RAB1B: variants seen among roughly 807,000 people sequenced by gnomAD.
RAB1B encodes the protein ras-related protein Rab-1B.
RAB1B carries 10 observed loss-of-function variants against 24.8 expected under a neutral mutation model. The observed-to-expected ratio is 0.40, with a 90% confidence interval of 0.25 to 0.68. The LOEUF is 0.68. RAB1B is among the 30% of genes least tolerant of loss of function. The pLI is 0.37. For synonymous variants in RAB1B, 99 were observed against 111.7 expected (o/e 0.89, Z 0.72); for missense variants, 154 against 271.2 (o/e 0.57, Z 3.04).
At chr11:66,268,763 G>A (rs1174437266) in intron 1 of RAB1B, 70 bp downstream of exon 1, 11 of 1,481,184 alleles carry the variant, frequency 7.4e-6, no homozygotes, top group Non-Finnish European at 9.0e-6. Flanking sequence ...GCTTACCGGG[G>A]TTGTCTGGCC....
intron 1 of RAB1B, among the ~76,000 whole-genome samples, chr11:66,269,537 A>G (rs1290674218): frequency 1.3e-5 from 2 of 152,158 alleles, no homozygotes; most frequent in African/African-American, 4.8e-5. Context: ...CTTTTCTGCC[A>G]CTTCCTTTTT....
intron 4 of RAB1B, among the ~76,000 whole-genome samples, chr11:66,275,131 C>CT (rs1253946550): frequency 6.6e-6 from 1 of 152,204 alleles, no homozygotes; most frequent in Non-Finnish European, 1.5e-5. Flanking sequence ...GGCAAGAGGT[C>CT]TAAGTTTGAG....
chr11:66,275,150 A>G (rs1197001333), intron 4 of RAB1B, among the ~76,000 whole-genome samples: 1 of 152,186 alleles, frequency 6.6e-6, no homozygotes, highest in East Asian at 1.9e-4. Context: ...AGCCAGTGTG[A>G]TATGACCAGG....
chr11:66,268,793 G>T, intron 1 of RAB1B, 100 bp downstream of exon 1: 2 of 1,150,878 alleles, frequency 1.7e-6, no homozygotes, highest in East Asian at 3.4e-5. Context: ...ACTGTGCGGC[G>T]CCCCCACATC....
At position 66,268,838 on chromosome 11, in the gene RAB1B, G is replaced by T. The variant is rs1856994459; in HGVS notation, c.14+145G>T. On this transcript the variant is annotated intron_variant, in intron 1 of 5. Transcript: ENST00000311481. ...CTTCCGCTGACCCCCCCCCACATCC[G>T]GGTTCTGCCCCTCCCCCCAGGGGCC... 4 of 742,614 alleles carry T rather than the reference G, an allele frequency of 5.4e-6. No individual in the cohort carries two copies. The East Asian group carries it at 1.6e-4, about 30-fold the overall frequency. The allele number at this position is 742,614 out of a possible 1,614,324, so 46.0% of individuals were successfully genotyped here.
chr11:66,269,802 C>T (rs565403912), intron 1 of RAB1B: 4 of 152,118 alleles, frequency 2.6e-5, no homozygotes, highest in Non-Finnish European at 5.9e-5. Context: ...TGAGATGATG[C>T]ATTTAAAGTA....
chr11:66,268,781 G>A lies in RAB1B; in HGVS notation c.14+88G>A, dbSNP rs569633935. 1.2e-4 allele frequency: 160 copies of A among 1,327,086 alleles called. No homozygotes were observed. The African/African-American group carries it at 1.6e-3, about 13-fold the overall frequency. 82.2% of individuals were successfully genotyped at this position (1,327,086 alleles called of 1,614,324 possible). On this transcript the variant is annotated intron_variant, in intron 1 of 5. Coordinates refer to ENST00000311481, the MANE Select transcript of RAB1B (RefSeq NM_030981.3). ...TACCGGGGTTGTCTGGCCCGGGTCA[G>A]GACTGTGCGGCGCCCCCACATCCGG...
intron 5 of RAB1B, 28 bp downstream of exon 5, chr11:66,275,963 T>TC (rs1049346857): frequency 6.2e-7 from 1 of 1,609,042 alleles, no homozygotes; most frequent in Non-Finnish European, 8.5e-7. Context: ...CTGCCCGGGG[T>TC]CGGGGCGCTG....
chr11:66,274,741 G>C (rs1415072570), intron 4 of RAB1B, among the ~76,000 whole-genome samples: 3 of 102,514 alleles, frequency 2.9e-5, no homozygotes, highest in Non-Finnish European at 5.6e-5. Context: ...CTCCCCTCTT[G>C]CCTTTCTCCT....
chr11:66,272,201 C>T lies in RAB1B; in HGVS notation c.132C>T (p.Asp44=), dbSNP rs773692622. The change falls in exon 3 of 6, where the codon GAC becomes GAT. Residue 44 remains aspartate, a synonymous_variant. Transcript: ENST00000311481. ...GCTACATCAGCACCATCGGGGTGGA[C>T]TTCAAGATCCGAACCATCGAGCTGG... The part of the protein sequence containing the change: ...TESYISTIGV[D]FKIRTIELDG... 4 of 1,613,978 alleles carry T rather than the reference C, an allele frequency of 2.5e-6. No homozygotes were observed. Among genetic ancestry groups the T allele is most frequent in the Non-Finnish European group, 2.5e-6 (3 of 1,179,858 alleles).
intron 1 of RAB1B, chr11:66,270,047 T>A (rs1414406617): frequency 3.3e-5 from 5 of 152,106 alleles, no homozygotes; most frequent in South Asian, 2.1e-4. Flanking sequence ...GCACATTTTT[T>A]AATTTTTTGT....
Position 66,268,657 on chromosome 11 carries a change from C to T in RAB1B, c.-23C>T. 1 of 1,561,698 alleles carries T rather than the reference C, an allele frequency of 6.4e-7. No homozygotes were observed. The highest frequency in any genetic ancestry group is 8.7e-7 in the Non-Finnish European group (1 of 1,155,502). ...GCGGAGCAGAGTCGACTGGGAGCGA[C>T]CGAGCGGGCCGCCGCCGCCGCCATG... is the stretch of plus-strand genomic sequence containing the variant. On this transcript the variant is annotated 5_prime_UTR_variant, in exon 1 of 6. Transcript: ENST00000311481.
At chr11:66,275,241 C>T (rs774984763) in intron 4 of RAB1B, among the ~76,000 whole-genome samples, 7 of 152,036 alleles carry the variant, frequency 4.6e-5, no homozygotes, top group Non-Finnish European at 7.4e-5. Context: ...GGGGTAGGGG[C>T]GCAAGTGCTG....
chr11:66,273,699 C>T (rs1193736979), intron 4 of RAB1B, among the ~76,000 whole-genome samples: 1 of 152,220 alleles, frequency 6.6e-6, no homozygotes, highest in Non-Finnish European at 1.5e-5. Context: ...CTGTCCATGT[C>T]TACACTGGCA....
At position 66,276,172 on chromosome 11, in the gene RAB1B, G is replaced by A. The variant is rs375965398; in HGVS notation, c.540G>A (p.Gly180=). Residue 180 remains glycine (G), a synonymous_variant, in exon 6 of 6, where the codon GGG becomes GGA. Coordinates refer to ENST00000311481, the MANE Select transcript of RAB1B (RefSeq NM_030981.3). Reference sequence around the variant, plus strand: ...GGATGGGGCCTGGAGCAGCCTCTGGGGGCGAGCGGCCCAATCTCAAGATCG... The same window carrying A: ...GGATGGGGCCTGGAGCAGCCTCTGGAGGCGAGCGGCCCAATCTCAAGATCG... ...KKRMGPGAAS[G]GERPNLKIDS... 3.7e-6 allele frequency: 6 copies of A among 1,609,518 alleles called. No individual in the cohort carries two copies. The African/African-American group carries it at 8.0e-5, about 22-fold the overall frequency.
At chr11:66,272,131 G>A in intron 2 of RAB1B, 26 bp from the exon 3 acceptor site, 1 of 1,545,686 alleles carries the variant, frequency 6.5e-7, no homozygotes, top group Non-Finnish European at 8.9e-7. Context: ...TAACTCCCAT[G>A]ATTTCATTGG....
At position 66,268,701 on chromosome 11, in the gene RAB1B, A is replaced by C. The variant is rs1461698072; in HGVS notation, c.14+8A>C. On this transcript the variant is annotated splice_region_variant and intron_variant, in intron 1 of 5. Coordinates refer to ENST00000311481, the MANE Select transcript of RAB1B (RefSeq NM_030981.3). ...CGCCATGAACCCCGAATAGTGAGTG[A>C]GCCCCGCCCGCGCCGTCCAGCGCAG... The C allele has an allele frequency of 6.4e-7, 1 of 1,565,360 alleles. No individual in the cohort carries two copies. Among genetic ancestry groups the C allele is most frequent in the Admixed American group, 1.9e-5 (1 of 51,372 alleles).
intron 1 of RAB1B, chr11:66,269,727 C>A (rs1857022106): frequency 6.6e-6 from 1 of 152,170 alleles, no homozygotes; most frequent in Admixed American, 6.5e-5. Context: ...CCTTCTCTGG[C>A]CTCTGGTTTC....
In RAB1B at chr11:66,276,215, C is replaced by T. The variant is rs1158437438; in HGVS notation, c.583C>T (p.Pro195Ser). ...NLKIDSTPVK[P>S]AGGGCC is the part of the protein sequence containing the mutation. ...CAAGATCGACAGCACCCCTGTAAAG[C>T]CGGCTGGCGGTGGCTGTTGCTAGGA... is the stretch of plus-strand genomic sequence containing the variant. Residue 195 changes from proline to serine, a missense_variant, in exon 6 of 6, where the codon CCG becomes TCG. Physicochemically the swap from Pro to Ser is moderately conservative, Grantham distance 74. Transcript: ENST00000311481. 1 of 1,596,236 alleles carries T rather than the reference C, an allele frequency of 6.3e-7. No individual in the cohort carries two copies. Among genetic ancestry groups the T allele is most frequent in the Non-Finnish European group, 8.5e-7 (1 of 1,174,078 alleles).
Sources: gnomAD v4.1 joint callset for allele counts (sites outside exome capture counted in the v4.1 genomes callset) on GRCh38, gnomAD v4.1.1 for gene constraint, MANE v1.5 for transcripts, NCBI Gene and HGNC (gene_info 2026-07-23, HGNC 2026-07-21) for gene names.